The following SYNPO variants were observed in gnomAD, a reference collection of about 807,000 sequenced individuals.
SYNPO encodes the protein synaptopodin.
SYNPO carries 19 observed loss-of-function variants against 49.5 expected under a neutral mutation model. That is an observed-to-expected ratio of 0.38 (90% CI 0.27 to 0.56). The LOEUF is 0.56. Ranked by LOEUF, SYNPO falls within the 20% of genes least tolerant of loss-of-function variation. The pLI is 0.68. For synonymous variants in SYNPO, 536 were observed against 548.0 expected (o/e 0.98, Z 0.31); for missense variants, 1,131 against 1,248.3 (o/e 0.91, Z 1.42).
chr5:150,599,430 C>A (rs545046548), upstream of SYNPO, among the ~76,000 whole-genome samples: 2 of 152,142 alleles, frequency 1.3e-5, no homozygotes, highest in African/African-American at 4.8e-5. Context: ...CAGTGGTATG[C>A]GGTGCTGAGT....
the SYNPO span, among the ~76,000 whole-genome samples, chr5:150,589,196 G>A: frequency 6.6e-6 from 1 of 152,002 alleles, no homozygotes; most frequent in Non-Finnish European, 1.5e-5. Context: ...CGAGTAGCTG[G>A]GACTACAGGT....
the SYNPO span, among the ~76,000 whole-genome samples, chr5:150,594,913 C>T: frequency 1.3e-5 from 2 of 152,102 alleles, no homozygotes; most frequent in African/African-American, 4.8e-5. Flanking sequence ...TCAGTGGGGC[C>T]TGGATGCTGT....
chr5:150,609,771 G>A (rs1475749021), intron 1 of SYNPO, among the ~76,000 whole-genome samples: 2 of 137,986 alleles, frequency 1.4e-5, no homozygotes, highest in Non-Finnish European at 3.1e-5. Context: ...GGGTGAGGGG[G>A]CACTGTGAAT....
Position 150,649,551 on chromosome 5 carries a change from G to A in SYNPO, c.1276G>A (p.Glu426Lys), listed in dbSNP as rs1270383970. The A allele has an allele frequency of 3.7e-6, 6 of 1,610,178 alleles. No homozygotes were observed. Among genetic ancestry groups the A allele is most frequent in the Non-Finnish European group, 3.4e-6 (4 of 1,178,464 alleles). The part of the protein sequence containing the change: ...VEEEPFALGA[E>K]ASNFQQEPAP... Reference sequence around the variant, plus strand: ...GGAGGAGCCCTTCGCACTGGGGGCCGAGGCCTCCAACTTCCAGCAGGAGCC... The same window carrying A: ...GGAGGAGCCCTTCGCACTGGGGGCCAAGGCCTCCAACTTCCAGCAGGAGCC... The change falls in exon 2 of 3, where the codon GAG becomes AAG. Residue 426 changes from glutamate (E) to lysine (K), a missense_variant. Glu to Lys is a moderately conservative substitution (Grantham distance 56). Coordinates refer to ENST00000307662, the MANE Select transcript of SYNPO (RefSeq NM_007286.6).
Position 150,652,134 on chromosome 5 carries a change from G to A in SYNPO, c.2028+1831G>A, listed in dbSNP as rs529769736. On this transcript the variant is annotated intron_variant, in intron 2 of 2. Transcript: ENST00000307662. ...TCACACAGATCGAGGGGGTATGCGT[G>A]GGGGAGTTGTGAGTGAGCTCAGCTC... 5.7e-5 allele frequency: 57 copies of A among 1,002,044 alleles called. No individual in the cohort carries two copies. In the East Asian group the frequency reaches 1.3e-3, roughly 23 times the overall value. 62.1% of individuals were successfully genotyped at this position (1,002,044 alleles called of 1,614,324 possible).
At chr5:150,625,090 T>TG (rs1405870613) in intron 2 of SYNPO, among the ~76,000 whole-genome samples, 1 of 151,874 alleles carries the variant, frequency 6.6e-6, no homozygotes, top group African/African-American at 2.4e-5. Flanking sequence ...CATCTGTAGG[T>TG]GGGGGGCTGG....
At chr5:150,632,149 C>T (rs1200967790) in intron 2 of SYNPO, among the ~76,000 whole-genome samples, 1 of 152,158 alleles carries the variant, frequency 6.6e-6, no homozygotes, top group African/African-American at 2.4e-5. Flanking sequence ...CATCAGTTTC[C>T]CCATCTCTAT....
chr5:150,640,917 G>T, intron 1 of SYNPO, 63 bp downstream of exon 1: 1 of 849,194 alleles, frequency 1.2e-6, no homozygotes, highest in Non-Finnish European at 1.4e-6. Flanking sequence ...AGGGCATGTG[G>T]CATCCCCCCT....
At chr5:150,618,795 C>T in intron 2 of SYNPO, 1 of 1,550,554 alleles carries the variant, frequency 6.4e-7, no homozygotes, top group Non-Finnish European at 8.7e-7. Flanking sequence ...TTCCCTTGGA[C>T]TACCAGAGTC....
At chr5:150,633,066 TATC>T (rs1222392182) in intron 2 of SYNPO, among the ~76,000 whole-genome samples, 3 of 152,188 alleles carry the variant, frequency 2.0e-5, no homozygotes, top group African/African-American at 7.2e-5. Flanking sequence ...GCTTTGGCCA[TATC>T]ATTTCCTTGC....
the SYNPO span, among the ~76,000 whole-genome samples, chr5:150,595,269 A>G: frequency 6.6e-6 from 1 of 152,228 alleles, no homozygotes; most frequent in Non-Finnish European, 1.5e-5. Flanking sequence ...AGAGGTTGGA[A>G]AAGTTCAAAA....
chr5:150,611,478 A>G (rs2151352916), intron 1 of SYNPO, among the ~76,000 whole-genome samples: 1 of 152,360 alleles, frequency 6.6e-6, no homozygotes. Context: ...CAGTGTGCCC[A>G]GCTGGAAGTT....
At chr5:150,610,801 C>T (rs555166686) in intron 1 of SYNPO, among the ~76,000 whole-genome samples, 1 of 152,038 alleles carries the variant, frequency 6.6e-6, no homozygotes, top group Non-Finnish European at 1.5e-5. Flanking sequence ...AAAAAGAATG[C>T]TAACATATGA....
rs751008028 is a variant in SYNPO at position 150,649,024 on chromosome 5, G to A, written c.749G>A (p.Gly250Asp). ...CCTTTTGGGATCCAGGCGCCAGGGG[G>A]CACCAGCCAGATGGAGAGGAGCCCC... ...ARPFGIQAPG[G>D]TSQMERSPML... The change falls in exon 2 of 3, where the codon GGC becomes GAC. Residue 250 changes from glycine to aspartate, a missense_variant. Physicochemically the swap from Gly to Asp is moderately conservative, Grantham distance 94 (BLOSUM62 -1). Coordinates refer to ENST00000307662, the MANE Select transcript of SYNPO (RefSeq NM_007286.6). The A allele has an allele frequency of 1.3e-5, 21 of 1,614,110 alleles. No individual in the cohort carries two copies. Among genetic ancestry groups the A allele is most frequent in the Admixed American group, 3.3e-5 (2 of 60,008 alleles).
exon 2 of SYNPO, chr5:150,618,553 C>T (rs1170468771): frequency 6.4e-7 from 1 of 1,550,404 alleles, no homozygotes; most frequent in East Asian, 2.4e-5. Flanking sequence ...AGGGGGTCAG[C>T]AGGAGTGGGG....
intron 1 of SYNPO, among the ~76,000 whole-genome samples, chr5:150,602,998 GTGT>G (rs1477970743): frequency 7.3e-4 from 6 of 8,180 alleles, no homozygotes; most frequent in African/African-American, 1.5e-3. Context: ...CCACCTTAGG[GTGT>G]GTGTGTGTGT....
At chr5:150,652,320 A>C (rs552845422) in intron 2 of SYNPO, 2 of 992,842 alleles carry the variant, frequency 2.0e-6, no homozygotes, top group African/African-American at 3.5e-5. Flanking sequence ...TCATGTTCTC[A>C]ATACACTCTG....
chr5:150,616,032 T>C (rs1029544896), intron 1 of SYNPO, among the ~76,000 whole-genome samples: 3 of 152,228 alleles, frequency 2.0e-5, no homozygotes, highest in Non-Finnish European at 2.9e-5. Flanking sequence ...TTTCTCCTGA[T>C]TTCCCTGCCA....
Position 150,642,638 on chromosome 5 carries a change from C to T in SYNPO, c.-333+1784C>T, listed in dbSNP as rs900481173. ...GGAGTTGCCCCCTGGTGCCCTGCTA[C>T]GAGGGACTCTAGGGTGTCCCCCCGC... is the stretch of plus-strand genomic sequence containing the variant. On this transcript the variant is annotated intron_variant, in intron 1 of 2. Coordinates refer to ENST00000307662, the MANE Select transcript of SYNPO (RefSeq NM_007286.6). 2.6e-5 allele frequency among the ~76,000 whole-genome samples: 4 copies of T among 152,054 alleles called. No individual in the cohort carries two copies. In the South Asian group the frequency reaches 6.2e-4, roughly 24 times the overall value.
Sources: allele counts gnomAD v4.1 joint callset (sites outside exome capture counted in the v4.1 genomes callset), GRCh38; gene constraint gnomAD v4.1.1; transcripts MANE v1.5; gene names NCBI Gene and HGNC (gene_info 2026-07-23, HGNC 2026-07-21).